The following BRINP1 variants were observed in gnomAD, a reference collection of about 807,000 sequenced individuals.
BRINP1 encodes BMP/retinoic acid inducible neural specific 1.
In BRINP1, 17 loss-of-function variants were observed where a neutral mutation model predicts 72.9. That is an observed-to-expected ratio of 0.23 (90% CI 0.16 to 0.35). BRINP1 has a LOEUF of 0.35. BRINP1 is among the 10% of genes least tolerant of loss of function. The pLI, the probability that BRINP1 is intolerant of heterozygous loss-of-function variation, is 1.00. For missense variants in BRINP1, 850 were observed against 1,001.6 expected (o/e 0.85, Z 2.04); for synonymous variants, 418 against 378.5 (o/e 1.10, Z -1.21).
At chr9:119,338,864 G>A (rs1160093264) in intron 1 of BRINP1, among the ~76,000 whole-genome samples, 4 of 149,664 alleles carry the variant, frequency 2.7e-5, no homozygotes, top group East Asian at 2.0e-4. Context: ...CAGCCCTGGC[G>A]ACACAGGGAG....
chr9:119,280,740 T>C (rs1274827274), intron 2 of BRINP1, among the ~76,000 whole-genome samples: 1 of 152,170 alleles, frequency 6.6e-6, no homozygotes, highest in Non-Finnish European at 1.5e-5. Flanking sequence ...GGAAAAGACA[T>C]GTTCCCTGTC....
chr9:119,221,504 G>A (rs1039616522), intron 5 of BRINP1, among the ~76,000 whole-genome samples: 9 of 152,014 alleles, frequency 5.9e-5, no homozygotes, highest in South Asian at 4.2e-4. Flanking sequence ...ATAATTCACC[G>A]GGTGAAACTG....
At chr9:119,170,373 G>GGGTATCAGCAAT (rs1261712290) in intron 7 of BRINP1, among the ~76,000 whole-genome samples, 1 of 151,156 alleles carries the variant, frequency 6.6e-6, no homozygotes, top group Non-Finnish European at 1.5e-5. Flanking sequence ...CTGGAAGAAA[G>GGGTATCAGCAAT]GGTATCAGCA....
intron 5 of BRINP1, among the ~76,000 whole-genome samples, chr9:119,233,754 T>C (rs1332602264): frequency 6.6e-6 from 1 of 152,190 alleles, no homozygotes. Flanking sequence ...AAACAGAACA[T>C]TACCAATATC....
chr9:119,343,664 C>T (rs540324925), intron 1 of BRINP1, among the ~76,000 whole-genome samples: 111 of 152,230 alleles, frequency 7.3e-4, no homozygotes, highest in African/African-American at 2.3e-3. Flanking sequence ...TCATTCCTCC[C>T]TCACTCAGTC....
At chr9:119,209,632 A>G (rs1443345012) in intron 6 of BRINP1, among the ~76,000 whole-genome samples, 2 of 151,586 alleles carry the variant, frequency 1.3e-5, no homozygotes, top group Admixed American at 1.3e-4. Flanking sequence ...TCACTATTGC[A>G]TGCCTTCAGA....
rs1341594254 is a variant in BRINP1, at chr9:119,167,362, G to A, written c.2008C>T (p.Arg670Cys). The A allele has an allele frequency of 8.1e-6, 13 of 1,614,020 alleles. No homozygotes were observed. The highest frequency in any genetic ancestry group is 5.0e-5 in the Admixed American group (3 of 60,006). The part of the protein sequence containing the change: ...YSLRFNADLL[R>C]SAVQQVNQSY... Reference sequence around the variant, plus strand: ...TGGTTGACCTGCTGCACTGCACTGCGCAGGAGGTCGGCGTTGAACCTCAGG... The same window carrying A: ...TGGTTGACCTGCTGCACTGCACTGCACAGGAGGTCGGCGTTGAACCTCAGG... The change falls in exon 8 of 8, where the codon CGC becomes TGC. Residue 670 changes from arginine (R) to cysteine (C), a missense_variant. Arg to Cys is a radical substitution (Grantham distance 180). Coordinates refer to ENST00000265922, the MANE Select transcript of BRINP1 (RefSeq NM_014618.3). The surrounding 1 kb of genome is among the most constrained non-coding windows in gnomAD (Gnocchi z 4.3).
chr9:119,339,078 T>C (rs991553970), intron 1 of BRINP1, among the ~76,000 whole-genome samples: 1 of 152,190 alleles, frequency 6.6e-6, no homozygotes, highest in Non-Finnish European at 1.5e-5. Flanking sequence ...GGACTGCTGC[T>C]CCTACTAATC....
At chr9:119,366,913 G>C (rs1288358712) in intron 1 of BRINP1, among the ~76,000 whole-genome samples, 4 of 151,692 alleles carry the variant, frequency 2.6e-5, no homozygotes, top group South Asian at 2.1e-4. Context: ...TTCCAGTTTC[G>C]ATCGTCTGTG....
At chr9:119,361,017 C>T (rs945768401) in intron 1 of BRINP1, among the ~76,000 whole-genome samples, 1 of 152,172 alleles carries the variant, frequency 6.6e-6, no homozygotes, top group African/African-American at 2.4e-5. Context: ...CAACTCCGCA[C>T]CCTGTGAGAA....
At chr9:119,325,694 C>A (rs1831232620) in intron 1 of BRINP1, among the ~76,000 whole-genome samples, 1 of 152,228 alleles carries the variant, frequency 6.6e-6, no homozygotes. Context: ...ATCCTAAGCC[C>A]TTGTTGCCAG....
chr9:119,338,744 A>G (rs1831377242), intron 1 of BRINP1, among the ~76,000 whole-genome samples: 1 of 151,228 alleles, frequency 6.6e-6, no homozygotes, highest in South Asian at 2.1e-4. Flanking sequence ...AAGAAGAAGA[A>G]ATTAGCCGGG....
chr9:119,266,736 G>A (rs1830551894), intron 2 of BRINP1, among the ~76,000 whole-genome samples: 1 of 152,170 alleles, frequency 6.6e-6, no homozygotes, highest in South Asian at 2.1e-4. Context: ...CCACATGTAA[G>A]TGAAATATGC....
chr9:119,196,125 T>C (rs1829735552), intron 7 of BRINP1, among the ~76,000 whole-genome samples: 1 of 152,174 alleles, frequency 6.6e-6, no homozygotes, highest in African/African-American at 2.4e-5. Flanking sequence ...TTCTACCAAG[T>C]GCATAGAAAG....
intron 2 of BRINP1, among the ~76,000 whole-genome samples, chr9:119,295,039 C>T (rs192399106): frequency 1.3e-5 from 2 of 151,688 alleles, no homozygotes; most frequent in Non-Finnish European, 2.9e-5. Flanking sequence ...CTACAAAAGA[C>T]CCCAAATAGC....
In BRINP1 at chr9:119,167,003, G is replaced by A; in HGVS notation, c.*81C>T. 1 of 1,418,516 alleles carries A rather than the reference G, an allele frequency of 7.0e-7. No homozygotes were observed. Among genetic ancestry groups the A allele is most frequent in the Non-Finnish European group, 9.5e-7 (1 of 1,053,698 alleles). The allele number at this position is 1,418,516 out of a possible 1,614,324, so 87.9% of individuals were successfully genotyped here. A position where few individuals can be genotyped will look rare whatever the true frequency, so the allele number is the denominator to read the frequency against. On this transcript the variant is annotated 3_prime_UTR_variant, in exon 8 of 8. Coordinates refer to ENST00000265922, the MANE Select transcript of BRINP1 (RefSeq NM_014618.3). This position sits in a 1 kb window ranked among gnomAD's most constrained non-coding sequence, Gnocchi z 4.3. ...AATTACATTTTACAAATTTTTGTGGGTTTTTTTGTTTTGTTTTGCTTCATT... is the reference window on the plus strand; with the variant it reads ...AATTACATTTTACAAATTTTTGTGGATTTTTTTGTTTTGTTTTGCTTCATT...
intron 5 of BRINP1, among the ~76,000 whole-genome samples, chr9:119,227,094 C>T (rs967836919): frequency 3.9e-5 from 6 of 151,938 alleles, no homozygotes; most frequent in Middle Eastern, 3.4e-3. Flanking sequence ...AAATAATAGC[C>T]GTTATTGTTA....
intron 7 of BRINP1, among the ~76,000 whole-genome samples, chr9:119,196,133 A>T (rs1362513339): frequency 6.6e-6 from 1 of 152,190 alleles, no homozygotes; most frequent in Non-Finnish European, 1.5e-5. Context: ...AGTGCATAGA[A>T]AGAGATGTGA....
At chr9:119,206,426 AAAAAAAAAAAAAAAAG>A (rs1381299060) in intron 7 of BRINP1, among the ~76,000 whole-genome samples, 1 of 94,480 alleles carries the variant, frequency 1.1e-5, no homozygotes, top group African/African-American at 3.4e-5. Flanking sequence ...TCTCAAAAAA[AAAAAAAAAAAAAAAAG>A]AGAGAGAGAG....
Sources: allele counts gnomAD v4.1 joint callset (sites outside exome capture counted in the v4.1 genomes callset), GRCh38; gene constraint gnomAD v4.1.1; non-coding constraint Gnocchi (gnomAD v3.1); transcripts MANE v1.5; gene names NCBI Gene and HGNC (gene_info 2026-07-23, HGNC 2026-07-21).